ROBO2: variants seen among roughly 807,000 people sequenced by gnomAD.
The protein encoded by ROBO2 is roundabout guidance receptor 2.
ROBO2 carries 53 observed loss-of-function variants against 160.8 expected under a neutral mutation model. That is an observed-to-expected ratio of 0.33 (90% confidence interval 0.26 to 0.41). The LOEUF (loss-of-function observed/expected upper bound fraction) is 0.41. Among genes scored for constraint, ROBO2 ranks in the 10% least tolerant of loss-of-function variants. The pLI is 1.00. For missense variants in ROBO2, 1,577 were observed against 1,722.4 expected (o/e 0.92, Z 1.49); for synonymous variants, 664 against 611.7 (o/e 1.09, Z -1.26).
intron 2 of ROBO2, among the ~76,000 whole-genome samples, chr3:76,978,729 T>C (rs1414915386): frequency 1.3e-5 from 2 of 151,936 alleles, no homozygotes; most frequent in Admixed American, 6.6e-5. Flanking sequence ...TTATAATAAA[T>C]AGTGGAAATA....
chr3:77,238,622 G>C (rs998965264), intron 2 of ROBO2, among the ~76,000 whole-genome samples: 3 of 152,068 alleles, frequency 2.0e-5, no homozygotes, highest in Non-Finnish European at 4.4e-5. Flanking sequence ...ATAACTCCAA[G>C]TATATTTTAA....
intron 6 of ROBO2, among the ~76,000 whole-genome samples, chr3:77,524,637 C>G (rs2090953805): frequency 6.6e-6 from 1 of 151,314 alleles, no homozygotes; most frequent in South Asian, 2.1e-4. Flanking sequence ...TTGAAGTGGT[C>G]TGTTTGCTTT....
intron 2 of ROBO2, among the ~76,000 whole-genome samples, chr3:76,428,758 A>G (rs1041807790): frequency 9.2e-5 from 14 of 152,186 alleles, no homozygotes; most frequent in Admixed American, 6.5e-4. Flanking sequence ...GAACTTTGAG[A>G]TTAATATTCT....
intron 2 of ROBO2, among the ~76,000 whole-genome samples, chr3:76,195,329 G>A (rs147934799): frequency 0.022 from 3,286 of 152,172 alleles, 62 homozygotes; most frequent in South Asian, 0.084. Context: ...ATAAGACATG[G>A]TCCCTGTCCA....
In ROBO2 at chr3:76,185,195, GAT is replaced by G. The variant is rs1219580267; in HGVS notation, c.109+247613_109+247614del. On this transcript the variant is annotated intron_variant, in intron 2 of 26. Transcript: ENST00000487694. ...TTCTAGGCTTCTATAAGTAAACACAGATATATATATATATATATATACACACA... is the reference window on the plus strand; with the variant it reads ...TTCTAGGCTTCTATAAGTAAACACAGATATATATATATATATATACACACA... 5.1e-3 allele frequency among the ~76,000 whole-genome samples: 227 copies of G among 44,516 alleles called. 7 individuals carry two copies. The highest frequency in any genetic ancestry group is 9.9e-3 in the East Asian group (10 of 1,008). The allele number at this position is 44,516 out of a possible 152,430, so 29.2% of individuals were successfully genotyped here. A position where few individuals can be genotyped will look rare whatever the true frequency, so the allele number is the denominator to read the frequency against.
intron 2 of ROBO2, among the ~76,000 whole-genome samples, chr3:77,221,854 C>CTTTTTTTT (rs5850317): frequency 2.9e-5 from 4 of 140,286 alleles, no homozygotes; most frequent in South Asian, 2.2e-4. Flanking sequence ...TTTTCTTTTT[C>CTTTTTTTT]TTTTTTTTTT....
intron 2 of ROBO2, among the ~76,000 whole-genome samples, chr3:76,023,635 G>A (rs994240664): frequency 2.6e-5 from 4 of 151,394 alleles, no homozygotes; most frequent in African/African-American, 9.7e-5. Context: ...ATAAAAGATC[G>A]TTGATCACAG....
intron 2 of ROBO2, among the ~76,000 whole-genome samples, chr3:76,324,826 A>G (rs755921129): frequency 3.3e-5 from 5 of 152,216 alleles, no homozygotes; most frequent in Non-Finnish European, 4.4e-5. Context: ...AATGAAGTTG[A>G]CTATTAATAG....
At chr3:76,601,616 C>T (rs565859223) in intron 2 of ROBO2, among the ~76,000 whole-genome samples, 75 of 152,294 alleles carry the variant, frequency 4.9e-4, no homozygotes, top group African/African-American at 1.7e-3. Context: ...GAACACAGGG[C>T]ACCAAGTCCC....
At chr3:76,326,741 G>A (rs2073059148) in intron 2 of ROBO2, among the ~76,000 whole-genome samples, 1 of 149,328 alleles carries the variant, frequency 6.7e-6, no homozygotes, top group Non-Finnish European at 1.5e-5. Context: ...CTAGCATTAG[G>A]TATATCTCCC....
chr3:77,129,391 A>G (rs1004241855), intron 2 of ROBO2, among the ~76,000 whole-genome samples: 2 of 152,348 alleles, frequency 1.3e-5, no homozygotes, highest in Non-Finnish European at 2.9e-5. Flanking sequence ...GAACTATTAC[A>G]ATCAACACAT....
intron 2 of ROBO2, among the ~76,000 whole-genome samples, chr3:76,823,418 T>C (rs961439720): frequency 1.3e-5 from 2 of 152,338 alleles, no homozygotes; most frequent in African/African-American, 4.8e-5. Context: ...TATAATTTAT[T>C]TGATACTCTT....
intron 2 of ROBO2, among the ~76,000 whole-genome samples, chr3:77,177,453 G>A (rs545790380): frequency 6.6e-6 from 1 of 151,998 alleles, no homozygotes; most frequent in South Asian, 2.1e-4. Flanking sequence ...GACTTTAAAA[G>A]TACTGTTTGC....
At chr3:77,622,310 A>G in exon 23 of ROBO2, 6 of 1,614,154 alleles carry the variant, frequency 3.7e-6, no homozygotes, top group South Asian at 1.1e-5. Flanking sequence ...TCTGATTTGG[A>G]AACGGATGTT....
At position 76,283,127 on chromosome 3, in the gene ROBO2, T is replaced by A. The variant is rs985101096; in HGVS notation, c.109+345525T>A. On this transcript the variant is annotated intron_variant, in intron 2 of 26. Transcript: ENST00000487694. ...AATATAATAGTTATATATGTATATA[T>A]ATAAAACTGTATATATATATATATA... is the stretch of plus-strand genomic sequence containing the variant. Among the ~76,000 whole-genome samples, 19 of 75,822 alleles carry A rather than the reference T, an allele frequency of 2.5e-4. No homozygotes were observed. The Admixed American group carries it at 2.8e-3, about 11-fold the overall frequency. 49.7% of individuals were successfully genotyped at this position (75,822 alleles called of 152,430 possible).
chr3:76,721,280 A>T (rs141207904), intron 2 of ROBO2, among the ~76,000 whole-genome samples: 1,713 of 134,428 alleles, frequency 0.013, 37 homozygotes, highest in African/African-American at 0.044. Flanking sequence ...AGTATTTTGT[A>T]CATTACCTGA....
intron 2 of ROBO2, among the ~76,000 whole-genome samples, chr3:76,851,766 T>TAAAA (rs1559601936): frequency 8.3e-6 from 1 of 120,172 alleles, no homozygotes; most frequent in Non-Finnish European, 1.7e-5. Flanking sequence ...AAAAAAAAAA[T>TAAAA]ATTAACATGT....
intron 2 of ROBO2, among the ~76,000 whole-genome samples, chr3:76,095,592 T>G (rs2069408377): frequency 6.6e-6 from 1 of 152,070 alleles, no homozygotes. Context: ...TAACCTATTA[T>G]TAGGCATATG....
chr3:76,581,054 A>C (rs1287519893), intron 2 of ROBO2, among the ~76,000 whole-genome samples: 53 of 152,238 alleles, frequency 3.5e-4, no homozygotes, highest in Admixed American at 3.5e-3. Context: ...GTAGCTCATA[A>C]GAAAAATAAC....
Sources: allele counts gnomAD v4.1 joint callset (sites outside exome capture counted in the v4.1 genomes callset), GRCh38; gene constraint gnomAD v4.1.1; transcripts MANE v1.5; gene names NCBI Gene and HGNC (gene_info 2026-07-23, HGNC 2026-07-21).